The following COASY variants were observed in gnomAD, a reference collection of about 807,000 sequenced individuals.
COASY encodes bifunctional coenzyme A synthase.
A neutral mutation model predicts 49.4 loss-of-function variants in COASY; 31 were observed. The ratio of observed to expected loss-of-function variants is 0.63; its 90% CI spans 0.47 to 0.85. The LOEUF is 0.85. Ranked by LOEUF, COASY falls within the 40% of genes least tolerant of loss-of-function variation. The probability of loss-of-function intolerance (pLI) is 0.00; values close to 1 mark genes in which losing one functional copy is unlikely to be tolerated. For missense variants in COASY, 730 were observed against 734.1 expected, an observed-to-expected ratio of 0.99 and a Z score of 0.06; for synonymous variants, 285 against 310.9, an observed-to-expected ratio of 0.92 and a Z score of 0.88.
At position 42,565,550 on chromosome 17, in the gene COASY, T is replaced by C. The variant is rs573922615; in HGVS notation, c.1467T>C (p.Ala489=). ...WQNLVHEVWT[A]VIPETEAVRR... is the part of the protein sequence containing the mutation. Reference sequence around the variant, plus strand: ...ACCTGGTCCATGAGGTGTGGACTGCTGTCATCCCAGAGACTGAGGTATCTC... The same window carrying C: ...ACCTGGTCCATGAGGTGTGGACTGCCGTCATCCCAGAGACTGAGGTATCTC... Residue 489 remains alanine, a synonymous_variant, in exon 7 of 9, where the codon GCT becomes GCC. Transcript: ENST00000393818. The C allele has an allele frequency of 1.2e-6, 2 of 1,614,212 alleles. No individual in the cohort carries two copies. Among genetic ancestry groups the C allele is most frequent in the African/African-American group, 1.3e-5 (1 of 75,056 alleles).
rs752294499 is a variant in COASY, at chr17:42,563,133, C to A, written c.511C>A (p.Pro171Thr). The change falls in exon 1 of 9, where the codon CCC becomes ACC. Residue 171 changes from proline to threonine, a missense_variant. By Grantham distance (38) the Pro-to-Thr change is conservative. Coordinates refer to ENST00000393818, the MANE Select transcript of COASY (RefSeq NM_025233.7). ...VPVEPLDVPL[P>T]STIRPASPVA... ...CGTGGAGCCCCTGGATGTCCCCTTACCCTCCACGATCAGGCCAGCTTCCCC... is the reference window on the plus strand; with the variant it reads ...CGTGGAGCCCCTGGATGTCCCCTTAACCTCCACGATCAGGCCAGCTTCCCC... 1 of 1,613,914 alleles carries A rather than the reference C, an allele frequency of 6.2e-7. No individual in the cohort carries two copies. The highest frequency in any genetic ancestry group is 2.2e-5 in the East Asian group (1 of 44,876).
intron 2 of COASY, 110 bp downstream of exon 2, chr17:42,564,285 G>A (rs780672020): frequency 2.4e-5 from 35 of 1,451,460 alleles, no homozygotes; most frequent in African/African-American, 8.4e-5. Context: ...GGGGGCTCAG[G>A]GTGGTGGGAA....
At position 42,563,080 on chromosome 17, in the gene COASY, A is replaced by G; in HGVS notation, c.458A>G (p.Tyr153Cys). The change falls in exon 1 of 9, where the codon TAC becomes TGC. Residue 153 changes from tyrosine (Y) to cysteine (C), a missense_variant. Tyr to Cys is a radical substitution (Grantham distance 194). Transcript: ENST00000393818. ...CCGCGACTGGCCTCGGTGCTGCTAT[A>G]CTCCGATTATGGGATAGGAGAAGTG... Reference protein sequence around the residue: ...CCPRLASVLLYSDYGIGEVPV... With the variant: ...CCPRLASVLLCSDYGIGEVPV... 1 of 1,613,942 alleles carries G rather than the reference A, an allele frequency of 6.2e-7. No homozygotes were observed. Among genetic ancestry groups the G allele is most frequent in the South Asian group, 1.1e-5 (1 of 91,076 alleles).
At chr17:42,563,344 C>G (rs1417114071) in intron 1 of COASY, 22 bp downstream of exon 1, 2 of 1,558,484 alleles carry the variant, frequency 1.3e-6, no homozygotes, top group African/African-American at 2.7e-5. Flanking sequence ...GGACCCTGGA[C>G]TAGGGTGGAG....
chr17:42,565,023 A>G lies in COASY; in HGVS notation c.1278A>G (p.Leu426=). 6.2e-7 allele frequency: 1 copy of G among 1,614,194 alleles called. No homozygotes were observed. The highest frequency in any genetic ancestry group is 1.7e-5 in the Admixed American group (1 of 60,020). ...ATGGCATCATCAACAGGAAGGTCCT[A>G]GGCAGCCGGGTGTTTGGGAATAAGG... is the stretch of plus-strand genomic sequence containing the variant. ...HKDGIINRKV[L]GSRVFGNKKQ... is the part of the protein sequence containing the mutation. The change falls in exon 5 of 9, where the codon CTA becomes CTG. Residue 426 remains leucine (L), a synonymous_variant. Coordinates refer to ENST00000393818, the MANE Select transcript of COASY (RefSeq NM_025233.7).
chr17:42,564,929 G>C (rs774006531), intron 4 of COASY, 31 bp downstream of exon 4: 1 of 1,614,134 alleles, frequency 6.2e-7, no homozygotes, highest in Non-Finnish European at 8.5e-7. Flanking sequence ...AAAGTGGCCT[G>C]GAGTGAGGAG....
Position 42,562,818 on chromosome 17 carries a change from G to A in COASY, c.196G>A (p.Asp66Asn), listed in dbSNP as rs748123529. Reference protein sequence around the residue: ...SPVQATFEVLDFITHLYAGAD... With the variant: ...SPVQATFEVLNFITHLYAGAD... ...CGTGCAGGCCACGTTTGAGGTTCTT[G>A]ATTTCATCACGCACCTCTATGCTGG... The change falls in exon 1 of 9, where the codon GAT becomes AAT. Residue 66 changes from aspartate to asparagine, a missense_variant. Physicochemically the swap from Asp to Asn is conservative, Grantham distance 23 (BLOSUM62 1). Transcript: ENST00000393818. The A allele has an allele frequency of 6.2e-7, 1 of 1,612,894 alleles. No individual in the cohort carries two copies. Among genetic ancestry groups the A allele is most frequent in the African/African-American group, 1.3e-5 (1 of 74,936 alleles).
chr17:42,563,362 AAAT>A, intron 1 of COASY, 40 bp downstream of exon 1: 11 of 1,521,020 alleles, frequency 7.2e-6, no homozygotes, highest in Non-Finnish European at 8.9e-6. Context: ...GAGGATCCCC[AAAT>A]CTCCCCACCC....
intron 8 of COASY, 42 bp from the exon 9 acceptor site, chr17:42,565,864 A>G: frequency 9.3e-6 from 15 of 1,613,794 alleles, no homozygotes; most frequent in Non-Finnish European, 1.3e-5. Flanking sequence ...GTACTGCCTG[A>G]CCCTGCCCTC....
At chr17:42,565,136 C>A in intron 5 of COASY, 89 bp downstream of exon 5, 1 of 1,586,732 alleles carries the variant, frequency 6.3e-7, no homozygotes, top group Admixed American at 1.7e-5. Context: ...CCCAGAATGC[C>A]ATTTCCATTG....
In COASY at chr17:42,564,556, G is replaced by T; in HGVS notation, c.1026G>T (p.Gly342=). The change falls in exon 3 of 9, where the codon GGG becomes GGT. Residue 342 remains glycine, a synonymous_variant. Transcript: ENST00000393818. ...CCAGCTTCCGCCAGCGAATGTTGGG[G>T]AACCTGCTTCGGCCTCCATATGTAA... The part of the protein sequence containing the change: ...SSSSFRQRML[G]NLLRPPYERP... 6.2e-7 allele frequency: 1 copy of T among 1,613,436 alleles called. No individual in the cohort carries two copies. The highest frequency in any genetic ancestry group is 1.1e-5 in the South Asian group (1 of 91,032).
intron 1 of COASY, 177 bp downstream of exon 1, chr17:42,563,499 A>C: frequency 1.6e-6 from 1 of 630,660 alleles, no homozygotes. Flanking sequence ...CAGCTTTCTC[A>C]GCATGTGGTC....
chr17:42,565,512 G>C lies in COASY; in HGVS notation c.1429G>C (p.Ala477Pro). The C allele has an allele frequency of 1.2e-6, 2 of 1,614,212 alleles. No homozygotes were observed. Among genetic ancestry groups the C allele is most frequent in the Non-Finnish European group, 1.7e-6 (2 of 1,180,030 alleles). The change falls in exon 7 of 9, where the codon GCC becomes CCC. Residue 477 changes from alanine (A) to proline (P), a missense_variant. Transcript: ENST00000393818. ...CVIDAAVLLE[A>P]GWQNLVHEVW... is the part of the protein sequence containing the mutation. ...GATTGATGCCGCTGTGTTGCTTGAAGCCGGCTGGCAGAACCTGGTCCATGA... is the reference window on the plus strand; with the variant it reads ...GATTGATGCCGCTGTGTTGCTTGAACCCGGCTGGCAGAACCTGGTCCATGA...
Position 42,565,208 on chromosome 17 carries a change from CCT to C in COASY, c.1303-16_1303-15del, listed in dbSNP as rs777064007. 1.1e-5 allele frequency: 17 copies of C among 1,613,394 alleles called. No individual in the cohort carries two copies. The East Asian group carries it at 3.6e-4, about 34-fold the overall frequency. On this transcript the variant is annotated splice_polypyrimidine_tract_variant and intron_variant, in intron 5 of 8. Transcript: ENST00000393818. ...CTCTTCTAGAGAAGGTAACCTCTGCCCTCTGTTCCCCTCCCCAGAAGCAGCTG... is the reference window on the plus strand; with the variant it reads ...CTCTTCTAGAGAAGGTAACCTCTGCCCTGTTCCCCTCCCCAGAAGCAGCTG...
Position 42,562,622 on chromosome 17 carries a change from C to G in COASY, c.-1C>G, listed in dbSNP as rs147852474. The G allele has an allele frequency of 6.5e-7, 1 of 1,528,796 alleles. No individual in the cohort carries two copies. The highest frequency in any genetic ancestry group is 2.1e-5 in the Admixed American group (1 of 47,968). The allele number at this position is 1,528,796 out of a possible 1,614,324, so 94.7% of individuals were successfully genotyped here. A position where few individuals can be genotyped will look rare whatever the true frequency, so the allele number is the denominator to read the frequency against. On this transcript the variant is annotated 5_prime_UTR_variant, in exon 1 of 9. Coordinates refer to ENST00000393818, the MANE Select transcript of COASY (RefSeq NM_025233.7). The stretch of plus-strand genomic sequence containing the variant: ...CCTGACTGTCCGCAGGCCTGGGCAG[C>G]ATGGCCGTATTCCGGTCGGGTCTCC...
At chr17:42,565,876 C>T in intron 8 of COASY, 30 bp from the exon 9 acceptor site, 3 of 1,614,014 alleles carry the variant, frequency 1.9e-6, no homozygotes, top group East Asian at 2.2e-5. Context: ...CCTGCCCTCT[C>T]TTCCTCCCAA....
rs368976372 is a variant in COASY at position 42,563,219 on chromosome 17, G to A, written c.597G>A (p.Thr199=). The change falls in exon 1 of 9, where the codon ACG becomes ACA. Residue 199 remains threonine (T), a synonymous_variant. Coordinates refer to ENST00000393818, the MANE Select transcript of COASY (RefSeq NM_025233.7). ...ACTACCGTGGCGCTGTCGGTGGCAC[G>A]TTTGACCGCCTGCACAACGCCCACA... The part of the protein sequence containing the change: ...RGYYRGAVGG[T]FDRLHNAHKV... 78 of 1,613,662 alleles carry A rather than the reference G, an allele frequency of 4.8e-5. No homozygotes were observed. The highest frequency in any genetic ancestry group is 1.6e-4 in the African/African-American group (12 of 75,056).
chr17:42,563,909 A>C (rs1199123845), intron 1 of COASY, 52 bp from the exon 2 acceptor site: 10 of 1,470,482 alleles, frequency 6.8e-6, no homozygotes, highest in Non-Finnish European at 9.3e-6. Context: ...ACTGGCCCAT[A>C]CTCTCCTCCC....
chr17:42,562,234 G>A lies in COASY; in HGVS notation c.-389G>A, dbSNP rs1430792890. On this transcript the variant is annotated 5_prime_UTR_variant, in exon 1 of 9. Transcript: ENST00000393818. ...TTGAGGTTTCAGTGAGTAGGGGGCC[G>A]ACGTGAGCTTTAGCGTCCCCCTTTA... 3.5e-6 allele frequency: 2 copies of A among 565,814 alleles called. No individual in the cohort carries two copies. The highest frequency in any genetic ancestry group is 6.2e-6 in the Non-Finnish European group (2 of 320,766). The allele number at this position is 565,814 out of a possible 1,614,324, so 35.0% of individuals were successfully genotyped here. A position where few individuals can be genotyped will look rare whatever the true frequency, so the allele number is the denominator to read the frequency against.
Sources: allele counts gnomAD v4.1 joint callset, GRCh38; gene constraint gnomAD v4.1.1; transcripts MANE v1.5; gene names NCBI Gene and HGNC (gene_info 2026-07-23, HGNC 2026-07-21).